TRIM58: variants seen among roughly 807,000 people sequenced by gnomAD.
The protein encoded by TRIM58 is E3 ubiquitin-protein ligase TRIM58.
In TRIM58, 38 loss-of-function variants were observed where a neutral mutation model predicts 34.1. That is an observed-to-expected ratio of 1.12 (90% confidence interval 0.86 to 1.46). The LOEUF (loss-of-function observed/expected upper bound fraction) is 1.46, where lower values mean the gene tolerates loss of function less well. Ranked by LOEUF, TRIM58 falls within the 40% of genes most tolerant of loss-of-function variation. The probability of loss-of-function intolerance (pLI) is 0.00; values close to 1 mark genes in which losing one functional copy is unlikely to be tolerated. For missense variants in TRIM58, 677 were observed against 642.0 expected (o/e 1.05, Z -0.59); for synonymous variants, 273 against 275.7 (o/e 0.99, Z 0.10).
Position 247,860,110 on chromosome 1 carries a change from G to T in TRIM58, c.421-507G>T, listed in dbSNP as rs559083596. ...AATGTTTTAGTTTAGTTATGCTATC[G>T]TATATAACAATGCAGTGAGCATACT... is the stretch of plus-strand genomic sequence containing the variant. On this transcript the variant is annotated intron_variant, in intron 1 of 5. Transcript: ENST00000366481. 3.3e-5 allele frequency among the ~76,000 whole-genome samples: 5 copies of T among 151,930 alleles called. No individual in the cohort carries two copies. The East Asian group carries it at 9.7e-4, about 29-fold the overall frequency.
intron 1 of TRIM58, among the ~76,000 whole-genome samples, chr1:247,860,134 C>G (rs1430813860): frequency 2.0e-5 from 3 of 152,114 alleles, no homozygotes; most frequent in Non-Finnish European, 1.5e-5. Context: ...AGTGAGCATA[C>G]TTTTAGATAA....
chr1:247,863,672 G>A (rs955953480), intron 2 of TRIM58, among the ~76,000 whole-genome samples: 24 of 152,102 alleles, frequency 1.6e-4, no homozygotes, highest in African/African-American at 4.8e-4. Flanking sequence ...ACAGAGAATG[G>A]GAGGTATAGA....
intron 5 of TRIM58, among the ~76,000 whole-genome samples, chr1:247,873,262 A>G (rs867784767): frequency 1.3e-5 from 2 of 152,104 alleles, no homozygotes; most frequent in Non-Finnish European, 2.9e-5. Context: ...GTAACCATTC[A>G]TCAACACGGA....
chr1:247,857,308 AT>A lies in TRIM58; in HGVS notation c.65del (p.Phe22SerfsTer82), dbSNP rs1663653611. 2.1e-6 allele frequency: 3 copies of A among 1,432,540 alleles called. No individual in the cohort carries two copies. Among genetic ancestry groups the A allele is most frequent in the Non-Finnish European group, 1.8e-6 (2 of 1,084,992 alleles). The allele number at this position is 1,432,540 out of a possible 1,614,324, so 88.7% of individuals were successfully genotyped here. A position where few individuals can be genotyped will look rare whatever the true frequency, so the allele number is the denominator to read the frequency against. On this transcript the variant is annotated frameshift_variant, in exon 1 of 6. Coordinates refer to ENST00000366481, the MANE Select transcript of TRIM58 (RefSeq NM_015431.4). LOFTEE classifies it high-confidence loss of function. ...REDARCPVCL[D>X]FLQEPVSVDC... Reference sequence around the variant, plus strand: ...GATGCGCGGTGCCCGGTGTGCCTGGATTTCCTGCAGGAGCCGGTCAGCGTGG... The same window carrying A: ...GATGCGCGGTGCCCGGTGTGCCTGGATTCCTGCAGGAGCCGGTCAGCGTGG...
At position 247,857,399 on chromosome 1, in the gene TRIM58, G is replaced by A. The variant is rs1226315357; in HGVS notation, c.153G>A (p.Gln51=). 4.6e-6 allele frequency: 7 copies of A among 1,523,098 alleles called. No homozygotes were observed. The highest frequency in any genetic ancestry group is 6.2e-6 in the Non-Finnish European group (7 of 1,134,586). The allele number at this position is 1,523,098 out of a possible 1,614,324, so 94.3% of individuals were successfully genotyped here. A position where few individuals can be genotyped will look rare whatever the true frequency, so the allele number is the denominator to read the frequency against. The change falls in exon 1 of 6, where the codon CAG becomes CAA. Residue 51 remains glutamine (Q), a synonymous_variant. Coordinates refer to ENST00000366481, the MANE Select transcript of TRIM58 (RefSeq NM_015431.4). ...SEFCEKSDGA[Q]GGVYACPQCR... ...TCTGCGAGAAGTCGGACGGCGCGCA[G>A]GGCGGCGTCTACGCCTGTCCGCAGT...
At chr1:247,868,200 G>A in intron 5 of TRIM58, 137 bp downstream of exon 5, 1 of 674,948 alleles carries the variant, frequency 1.5e-6, no homozygotes, top group Non-Finnish European at 2.5e-6. Context: ...CCAGTCAGCT[G>A]CAGTGACCAA....
At chr1:247,869,172 T>A (rs904119871) in intron 5 of TRIM58, among the ~76,000 whole-genome samples, 3 of 152,266 alleles carry the variant, frequency 2.0e-5, no homozygotes, top group South Asian at 2.1e-4. Context: ...AGTGCTGAGA[T>A]GACAGGCGTG....
intron 2 of TRIM58, among the ~76,000 whole-genome samples, chr1:247,864,018 A>T (rs1325607152): frequency 6.6e-6 from 1 of 151,948 alleles, no homozygotes; most frequent in African/African-American, 2.4e-5. Flanking sequence ...TTCATCATTC[A>T]GTTGTTTCTA....
chr1:247,871,124 T>C (rs532225370), intron 5 of TRIM58, among the ~76,000 whole-genome samples: 1 of 152,344 alleles, frequency 6.6e-6, no homozygotes, highest in South Asian at 2.1e-4. Flanking sequence ...GGTCATCTCT[T>C]ATTAGCTGAT....
intron 2 of TRIM58, among the ~76,000 whole-genome samples, chr1:247,864,300 C>A (rs975045987): frequency 6.6e-6 from 1 of 152,020 alleles, no homozygotes; most frequent in African/African-American, 2.4e-5. Flanking sequence ...TACCACCATG[C>A]CTGGTCGGTT....
chr1:247,862,096 C>T lies in TRIM58; in HGVS notation c.516+1384C>T, dbSNP rs187313381. ...TGAGCTGAGATCGTGCCATTGCACT[C>T]CAGCCTGGGCAACAAGAGTGAAACT... is the stretch of plus-strand genomic sequence containing the variant. On this transcript the variant is annotated intron_variant, in intron 2 of 5. Coordinates refer to ENST00000366481, the MANE Select transcript of TRIM58 (RefSeq NM_015431.4). 4.5e-4 allele frequency among the ~76,000 whole-genome samples: 68 copies of T among 151,844 alleles called. 1 individual carries two copies. Among genetic ancestry groups the T allele is most frequent in the African/African-American group, 1.6e-3 (67 of 41,384 alleles).
At chr1:247,858,170 G>A (rs992716251) in intron 1 of TRIM58, among the ~76,000 whole-genome samples, 3 of 152,120 alleles carry the variant, frequency 2.0e-5, no homozygotes, top group African/African-American at 4.8e-5. Flanking sequence ...TACGGGTTCC[G>A]ACCCCTCCAA....
chr1:247,861,606 T>C (rs1663794589), intron 2 of TRIM58, among the ~76,000 whole-genome samples: 1 of 152,186 alleles, frequency 6.6e-6, no homozygotes, highest in Admixed American at 6.5e-5. Context: ...TTGCAGAATA[T>C]TCCTATTCTT....
intron 2 of TRIM58, 75 bp from the exon 3 acceptor site, chr1:247,864,630 A>G (rs1663875575): frequency 2.0e-6 from 3 of 1,484,298 alleles, no homozygotes; most frequent in Non-Finnish European, 2.8e-6. Flanking sequence ...TCTGGACATT[A>G]CCTTCTCCAG....
chr1:247,866,227 G>C (rs1267129156), intron 3 of TRIM58, among the ~76,000 whole-genome samples: 1 of 151,772 alleles, frequency 6.6e-6, no homozygotes, highest in Admixed American at 6.6e-5. Flanking sequence ...CTGAGTGCAG[G>C]GTGCAGTGGT....
intron 2 of TRIM58, among the ~76,000 whole-genome samples, chr1:247,861,237 A>G (rs926434650): frequency 3.3e-5 from 5 of 151,384 alleles, no homozygotes; most frequent in African/African-American, 9.7e-5. Flanking sequence ...GCACACGTGT[A>G]CACACACACA....
chr1:247,860,723 G>T lies in TRIM58; in HGVS notation c.516+11G>T, dbSNP rs778319790. On this transcript the variant is annotated intron_variant, in intron 2 of 5. Transcript: ENST00000366481. ...ACTGTCATTTGGAAGGTAAGACCAT[G>T]TTGGGGCTTTAGGAGGCTTGCCTGT... is the stretch of plus-strand genomic sequence containing the variant. 1.9e-6 allele frequency: 3 copies of T among 1,605,186 alleles called. No homozygotes were observed. The highest frequency in any genetic ancestry group is 2.6e-6 in the Non-Finnish European group (3 of 1,172,124).
rs1240983205 is a variant in TRIM58, at chr1:247,878,003, A to G, written c.*1514A>G. On this transcript the variant is annotated 3_prime_UTR_variant, in exon 6 of 6. Transcript: ENST00000366481. Reference sequence around the variant, plus strand: ...GTGAAACCCCGTCTCTACTAAAAATACAAAAAGAAATTAGCTGGGCGTGGT... The same window carrying G: ...GTGAAACCCCGTCTCTACTAAAAATGCAAAAAGAAATTAGCTGGGCGTGGT... The G allele has an allele frequency of 6.6e-6, 1 of 152,050 alleles. No homozygotes were observed. The highest frequency in any genetic ancestry group is 1.5e-5 in the Non-Finnish European group (1 of 68,104). 9.4% of individuals were successfully genotyped at this position (152,050 alleles called of 1,614,324 possible). A position where few individuals can be genotyped will look rare whatever the true frequency, so the allele number is the denominator to read the frequency against.
At position 247,869,521 on chromosome 1, in the gene TRIM58, A is replaced by G. The variant is rs568913003; in HGVS notation, c.871+1458A>G. 2.0e-5 allele frequency among the ~76,000 whole-genome samples: 3 copies of G among 152,358 alleles called. No homozygotes were observed. In the South Asian group the frequency reaches 6.2e-4, roughly 32 times the overall value. ...TAAACAGGATATAGACCAAATACACACTTCACAGTATCATAGGCATGGTGA... is the reference window on the plus strand; with the variant it reads ...TAAACAGGATATAGACCAAATACACGCTTCACAGTATCATAGGCATGGTGA... On this transcript the variant is annotated intron_variant, in intron 5 of 5. Transcript: ENST00000366481.
Sources: gnomAD v4.1 joint callset for allele counts (sites outside exome capture counted in the v4.1 genomes callset) on GRCh38, gnomAD v4.1.1 for gene constraint, MANE v1.5 for transcripts, NCBI Gene and HGNC (gene_info 2026-07-23, HGNC 2026-07-21) for gene names.